Variants in MUC13 observed in about 807,000 individuals in gnomAD.
The protein encoded by MUC13 is mucin 13, cell surface associated.
In MUC13, 32 loss-of-function variants were observed where a neutral mutation model predicts 48.3. The ratio of observed to expected loss-of-function variants is 0.66; its 90% confidence interval spans 0.50 to 0.89. MUC13 has a LOEUF of 0.89. Among genes scored for constraint, MUC13 ranks in the 40% least tolerant of loss-of-function variants. The pLI, the probability that MUC13 is intolerant of heterozygous loss-of-function variation, is 0.00. For missense variants in MUC13, 571 were observed against 622.8 expected (o/e 0.92, Z 0.88); for synonymous variants, 199 against 224.9 (o/e 0.88, Z 1.03).
chr3:124,915,798 A>C (rs959328328), intron 6 of MUC13, among the ~76,000 whole-genome samples: 3 of 147,276 alleles, frequency 2.0e-5, no homozygotes, highest in Non-Finnish European at 4.4e-5. Flanking sequence ...CAATCCTCCC[A>C]CCTCAGCCTC....
intron 1 of MUC13, among the ~76,000 whole-genome samples, chr3:124,928,962 G>A (rs779067993): frequency 1.4e-4 from 22 of 152,130 alleles, no homozygotes; most frequent in Non-Finnish European, 2.9e-4. Flanking sequence ...CTCATTAAGT[G>A]CTTATTATAC....
chr3:124,907,488 T>G (rs1233455716), intron 11 of MUC13, among the ~76,000 whole-genome samples: 4 of 152,084 alleles, frequency 2.6e-5, no homozygotes, highest in African/African-American at 9.7e-5. Context: ...CATAGCGGCA[T>G]GTGCCTGTAG....
rs1161115684 is a variant in MUC13 at position 124,906,482 on chromosome 3, A to G, written c.*261T>C. ...ACCATTGTCTCAGTACTTTGTACTG[A>G]TTGAAGAAAACCACCTCTCTGACAA... On this transcript the variant is annotated 3_prime_UTR_variant, in exon 12 of 12. Transcript: ENST00000616727. 2 of 152,236 alleles carry G rather than the reference A, an allele frequency of 1.3e-5. No individual in the cohort carries two copies. Among genetic ancestry groups the G allele is most frequent in the Non-Finnish European group, 2.9e-5 (2 of 68,040 alleles). The allele number at this position is 152,236 out of a possible 1,614,324, so 9.4% of individuals were successfully genotyped here.
At chr3:124,930,489 G>C (rs1257626366) in intron 1 of MUC13, among the ~76,000 whole-genome samples, 1 of 152,068 alleles carries the variant, frequency 6.6e-6, no homozygotes, top group Non-Finnish European at 1.5e-5. Flanking sequence ...TACCCAAGAG[G>C]AACTGTAAAA....
At chr3:124,916,542 A>C in intron 5 of MUC13, 62 bp from the exon 6 acceptor site, 1 of 1,512,644 alleles carries the variant, frequency 6.6e-7, no homozygotes, top group East Asian at 2.4e-5. Flanking sequence ...AATAATTCTA[A>C]TCTCCCAGAC....
chr3:124,927,259 CA>C (rs1235611064), intron 2 of MUC13, among the ~76,000 whole-genome samples: 2 of 151,926 alleles, frequency 1.3e-5, no homozygotes, highest in Non-Finnish European at 2.9e-5. Context: ...CTACCTTTCA[CA>C]AAGCCCAAGT....
At chr3:124,925,689 C>T (rs1452596148) in intron 2 of MUC13, among the ~76,000 whole-genome samples, 1 of 152,224 alleles carries the variant, frequency 6.6e-6, no homozygotes, top group Non-Finnish European at 1.5e-5. Context: ...TCTTGGCTGG[C>T]TGCAACCTCT....
chr3:124,913,507 AAAAGAAGAG>A (rs1225554603), intron 7 of MUC13, 46 bp downstream of exon 7: 1 of 1,610,586 alleles, frequency 6.2e-7, no homozygotes, highest in Non-Finnish European at 8.5e-7. Flanking sequence ...TTTATGTTGC[AAAAGAAGAG>A]AAAGTGATGT....
intron 2 of MUC13, among the ~76,000 whole-genome samples, chr3:124,924,178 G>A (rs144909515): frequency 1.3e-5 from 2 of 152,250 alleles, no homozygotes; most frequent in East Asian, 3.8e-4. Flanking sequence ...GTAAAGGAGA[G>A]AAATGTGGAT....
intron 6 of MUC13, among the ~76,000 whole-genome samples, chr3:124,914,414 G>A (rs9838803): frequency 0.97 from 147,501 of 151,796 alleles, 71,739 homozygotes; most frequent in East Asian, 1. Flanking sequence ...CCGTCTCGGG[G>A]AGAAAAAAAA....
intron 5 of MUC13, among the ~76,000 whole-genome samples, chr3:124,917,749 G>A (rs1316339372): frequency 3.2e-5 from 3 of 92,770 alleles, no homozygotes; most frequent in Non-Finnish European, 8.0e-5. Context: ...TTGGTGGGGC[G>A]GGGGCGGGGG....
At chr3:124,934,240 T>A (rs1300242678) in intron 1 of MUC13, among the ~76,000 whole-genome samples, 1 of 152,092 alleles carries the variant, frequency 6.6e-6, no homozygotes, top group Non-Finnish European at 1.5e-5. Flanking sequence ...CACTGCAACC[T>A]CCACTTCCCG....
intron 4 of MUC13, among the ~76,000 whole-genome samples, chr3:124,921,241 C>G (rs1199475664): frequency 3.9e-5 from 6 of 152,028 alleles, no homozygotes; most frequent in African/African-American, 9.7e-5. Context: ...CCTCCACCTC[C>G]TGGGTTCAAG....
intron 8 of MUC13, 84 bp from the exon 9 acceptor site, chr3:124,912,225 T>G: frequency 1.9e-6 from 3 of 1,554,528 alleles, no homozygotes; most frequent in Non-Finnish European, 2.6e-6. Flanking sequence ...TCTCCACCTC[T>G]TCCTTTCCAT....
At chr3:124,907,712 A>T (rs546226298) in intron 11 of MUC13, among the ~76,000 whole-genome samples, 3 of 152,016 alleles carry the variant, frequency 2.0e-5, no homozygotes, top group Non-Finnish European at 4.4e-5. Context: ...AGGGAAAGAG[A>T]GCGTTGCCTT....
intron 5 of MUC13, among the ~76,000 whole-genome samples, chr3:124,919,073 C>T (rs559101173): frequency 6.7e-6 from 1 of 149,834 alleles, no homozygotes; most frequent in Non-Finnish European, 1.5e-5. Context: ...AGTGGTGGCT[C>T]ACACCTGTAA....
chr3:124,933,158 C>G (rs1935824456), intron 1 of MUC13, among the ~76,000 whole-genome samples: 1 of 152,112 alleles, frequency 6.6e-6, no homozygotes, highest in Admixed American at 6.5e-5. Context: ...AGCTTGAAAC[C>G]AGCTCTCAAA....
chr3:124,929,122 T>TG (rs921692457), intron 1 of MUC13, among the ~76,000 whole-genome samples: 11 of 152,040 alleles, frequency 7.2e-5, no homozygotes, highest in African/African-American at 2.4e-4. Context: ...CCTGGACACA[T>TG]GGAGTAGTAA....
chr3:124,915,668 G>A (rs1414850122), intron 6 of MUC13, among the ~76,000 whole-genome samples: 2 of 152,158 alleles, frequency 1.3e-5, no homozygotes, highest in East Asian at 3.8e-4. Context: ...CTACATGGTG[G>A]GTTCGTGTGT....
Sources: allele counts gnomAD v4.1 joint callset (sites outside exome capture counted in the v4.1 genomes callset), GRCh38; gene constraint gnomAD v4.1.1; transcripts MANE v1.5; gene names NCBI Gene and HGNC (gene_info 2026-07-23, HGNC 2026-07-21).